The following HECW2 variants were observed in gnomAD, a reference collection of about 807,000 sequenced individuals.
HECW2 encodes the protein E3 ubiquitin-protein ligase HECW2.
In HECW2, 61 loss-of-function variants were observed where a neutral mutation model predicts 175.2. The observed-to-expected ratio is 0.35, with a 90% confidence interval of 0.28 to 0.43. HECW2 has a LOEUF of 0.43. HECW2 is among the 20% of genes least tolerant of loss of function. The pLI is 1.00. For missense variants in HECW2, 1,524 were observed against 2,000.5 expected (o/e 0.76, Z 4.54); for synonymous variants, 671 against 731.0 (o/e 0.92, Z 1.32).
intron 13 of HECW2, among the ~76,000 whole-genome samples, chr2:196,306,258 G>A (rs1293121869): frequency 6.6e-6 from 1 of 152,148 alleles, no homozygotes; most frequent in Non-Finnish European, 1.5e-5. Context: ...ATAAATTTCT[G>A]TTGCTTATAG....
At chr2:196,553,587 C>A (rs1463088268) in intron 1 of HECW2, among the ~76,000 whole-genome samples, 4 of 152,222 alleles carry the variant, frequency 2.6e-5, no homozygotes, top group Non-Finnish European at 5.9e-5. Context: ...CCACTGCCAT[C>A]AGGCTCCTCA....
At chr2:196,475,749 C>T (rs1273317598) in intron 1 of HECW2, among the ~76,000 whole-genome samples, 1 of 152,182 alleles carries the variant, frequency 6.6e-6, no homozygotes, top group East Asian at 1.9e-4. Flanking sequence ...GGTTATCTGC[C>T]CATTTGTGAA....
intron 1 of HECW2, among the ~76,000 whole-genome samples, chr2:196,469,277 A>C (rs1697099706): frequency 6.6e-6 from 1 of 152,094 alleles, no homozygotes; most frequent in Admixed American, 6.6e-5. Context: ...AACAAACTAG[A>C]GGGACCAGAA....
chr2:196,230,073 G>A (rs939070087), intron 21 of HECW2, among the ~76,000 whole-genome samples: 1 of 152,224 alleles, frequency 6.6e-6, no homozygotes, highest in African/African-American at 2.4e-5. Context: ...CAAAGAGGCT[G>A]TAGGTGACAC....
chr2:196,508,410 A>G (rs1687839784), intron 1 of HECW2, among the ~76,000 whole-genome samples: 1 of 152,218 alleles, frequency 6.6e-6, no homozygotes, highest in Non-Finnish European at 1.5e-5. Context: ...ATTTTCTTCA[A>G]GATCACCATT....
At chr2:196,413,172 G>A (rs781751129) in intron 2 of HECW2, among the ~76,000 whole-genome samples, 5 of 152,138 alleles carry the variant, frequency 3.3e-5, no homozygotes, top group Admixed American at 1.3e-4. Flanking sequence ...GGGCAACATA[G>A]AGAGACCCTG....
intron 1 of HECW2, among the ~76,000 whole-genome samples, chr2:196,476,988 TA>T (rs1453536995): frequency 7.8e-6 from 1 of 128,004 alleles, no homozygotes; most frequent in Non-Finnish European, 1.7e-5. Context: ...AAAACAACTT[TA>T]AAAATTAGCC....
Position 196,274,064 on chromosome 2 carries a change from G to A in HECW2, c.3195C>T (p.Phe1065=). The A allele has an allele frequency of 6.2e-7, 1 of 1,614,078 alleles. No individual in the cohort carries two copies. Among genetic ancestry groups the A allele is most frequent in the Non-Finnish European group, 8.5e-7 (1 of 1,179,936 alleles). Residue 1065 remains phenylalanine (F), a synonymous_variant, in exon 16 of 29, where the codon TTC becomes TTT. Transcript: ENST00000644978. ...GGTACTGTGGCCTACTGACTGTATTGAATGTACTGGATGGCCTGGGAAGAA... is the reference window on the plus strand; with the variant it reads ...GGTACTGTGGCCTACTGACTGTATTAAATGTACTGGATGGCCTGGGAAGAA... ...PPVLPRPSST[F]NTVSRPQYQD...
chr2:196,584,152 A>G (rs941470054), intron 1 of HECW2, among the ~76,000 whole-genome samples: 1 of 152,238 alleles, frequency 6.6e-6, no homozygotes, highest in African/African-American at 2.4e-5. Flanking sequence ...TTTAAATTGC[A>G]TACAGAAGGG....
intron 24 of HECW2, 82 bp from the exon 25 acceptor site, chr2:196,221,023 A>G: frequency 6.7e-7 from 1 of 1,483,302 alleles, no homozygotes; most frequent in East Asian, 2.3e-5. Context: ...AGCTGAAATC[A>G]GCCAGCTACC....
At chr2:196,219,893 C>T (rs1687606046) in intron 26 of HECW2, 146 bp downstream of exon 26, 1 of 613,364 alleles carries the variant, frequency 1.6e-6, no homozygotes, top group South Asian at 2.0e-5. Context: ...GAGAATGTAC[C>T]TTGCCCAAGG....
intron 1 of HECW2, among the ~76,000 whole-genome samples, chr2:196,516,453 G>A (rs1306044679): frequency 6.6e-6 from 1 of 152,028 alleles, no homozygotes; most frequent in Admixed American, 6.6e-5. Context: ...TATAATTTTT[G>A]TAATTTTTTC....
chr2:196,593,305 G>A (rs1691281220), intron 1 of HECW2, among the ~76,000 whole-genome samples: 1 of 150,978 alleles, frequency 6.6e-6, no homozygotes, highest in South Asian at 2.1e-4. Context: ...TGCGCCTCCG[G>A]GAGGTTTGTG....
intron 1 of HECW2, among the ~76,000 whole-genome samples, chr2:196,466,433 G>C (rs531465664): frequency 2.9e-4 from 44 of 152,290 alleles, no homozygotes; most frequent in African/African-American, 1.1e-3. Context: ...GCTAGCAAGG[G>C]TTACCTTTTA....
intron 23 of HECW2, among the ~76,000 whole-genome samples, chr2:196,222,623 G>A (rs1687709698): frequency 6.6e-6 from 1 of 152,176 alleles, no homozygotes; most frequent in African/African-American, 2.4e-5. Context: ...CAAAGAATGA[G>A]TGCCATCTGC....
intron 2 of HECW2, among the ~76,000 whole-genome samples, chr2:196,377,151 G>C (rs994342790): frequency 1.3e-5 from 2 of 152,214 alleles, no homozygotes; most frequent in African/African-American, 4.8e-5. Flanking sequence ...CCACGGAAAA[G>C]TAGCTTAAAC....
intron 1 of HECW2, among the ~76,000 whole-genome samples, chr2:196,559,057 C>CA (rs902961870): frequency 6.6e-6 from 1 of 152,098 alleles, no homozygotes; most frequent in Non-Finnish European, 1.5e-5. Context: ...TTATGGAACT[C>CA]AAAAATCAGA....
rs1219784375 is a variant in HECW2, at chr2:196,473,761, TAATA to T, written c.-35-40307_-35-40304del. ...TGTTGGATGCTTTGCTTGAAAAAGA[TAATA>T]AATCACTTGAAAAGCCCACGTGGGA... On this transcript the variant is annotated intron_variant, in intron 1 of 28. Coordinates refer to ENST00000644978, the MANE Select transcript of HECW2 (RefSeq NM_001348768.2). Among the ~76,000 whole-genome samples the T allele has an allele frequency of 5.3e-5, 8 of 152,342 alleles. No individual in the cohort carries two copies. In the East Asian group the frequency reaches 1.5e-3, roughly 29 times the overall value.
At chr2:196,419,770 T>C (rs992875902) in intron 2 of HECW2, among the ~76,000 whole-genome samples, 2 of 152,168 alleles carry the variant, frequency 1.3e-5, no homozygotes, top group African/African-American at 4.8e-5. Context: ...TTGTTCCACC[T>C]TCAGTGCAAT....
Sources: gnomAD v4.1 joint callset for allele counts (sites outside exome capture counted in the v4.1 genomes callset) on GRCh38, gnomAD v4.1.1 for gene constraint, MANE v1.5 for transcripts, NCBI Gene and HGNC (gene_info 2026-07-23, HGNC 2026-07-21) for gene names.